The following PTPN1 variants were observed in gnomAD, a reference collection of about 807,000 sequenced individuals.
PTPN1 encodes the protein protein tyrosine phosphatase non-receptor type 1.
Under a neutral mutation model 59.9 loss-of-function variants are expected in PTPN1, and 12 were observed. That is an observed-to-expected ratio of 0.20 (90% CI 0.13 to 0.32). The LOEUF is 0.32. PTPN1 is among the 10% of genes least tolerant of loss of function. PTPN1 has a pLI of 1.00. For missense variants in PTPN1, 356 were observed against 549.2 expected, an observed-to-expected ratio of 0.65 and a Z score of 3.52; for synonymous variants, 178 against 203.6, an observed-to-expected ratio of 0.87 and a Z score of 1.07.
rs998603017 is a variant in PTPN1, at chr20:50,512,364, C to T, written c.63+1774C>T. 1.8e-4 allele frequency among the ~76,000 whole-genome samples: 28 copies of T among 152,264 alleles called. 1 individual carries two copies. The highest frequency in any genetic ancestry group is 1.7e-3 in the Admixed American group (26 of 15,298). ...TTGACTGAGTTGACAACAAGAAATA[C>T]GTATTGTAACTTAGTTCTTAGTTGA... On this transcript the variant is annotated intron_variant, in intron 1 of 9. Coordinates refer to ENST00000371621, the MANE Select transcript of PTPN1 (RefSeq NM_002827.4).
chr20:50,565,105 A>T (rs200437729), intron 3 of PTPN1, 36 bp downstream of exon 3: 2 of 1,594,664 alleles, frequency 1.3e-6, no homozygotes, highest in African/African-American at 2.7e-5. Context: ...TTTAATGTCA[A>T]TTTAAGAGTT....
rs1381989717 is a variant in PTPN1 at position 50,528,965 on chromosome 20, C to G, written c.63+18375C>G. Among the ~76,000 whole-genome samples, 10 of 152,222 alleles carry G rather than the reference C, an allele frequency of 6.6e-5. No individual in the cohort carries two copies. In the East Asian group the frequency reaches 1.5e-3, roughly 24 times the overall value. ...ATTTTCTGTATGTGGTGTTTTCCCC[C>G]CATGAGATTGTATACCATTTCTCAG... is the stretch of plus-strand genomic sequence containing the variant. On this transcript the variant is annotated intron_variant, in intron 1 of 9. Transcript: ENST00000371621.
chr20:50,569,193 C>G (rs1158499054), intron 4 of PTPN1, among the ~76,000 whole-genome samples: 1 of 152,214 alleles, frequency 6.6e-6, no homozygotes, highest in Non-Finnish European at 1.5e-5. Flanking sequence ...CAGCTGAAAA[C>G]CCTTGTGCGG....
chr20:50,578,226 T>C (rs2082846716), intron 5 of PTPN1, among the ~76,000 whole-genome samples, 194 bp from the exon 6 acceptor site: 2 of 152,110 alleles, frequency 1.3e-5, no homozygotes, highest in South Asian at 4.1e-4. Context: ...ACCCTGCAGG[T>C]TCAGTGTCAA....
intron 1 of PTPN1, among the ~76,000 whole-genome samples, chr20:50,525,856 A>G (rs1156782094): frequency 2.0e-5 from 3 of 152,148 alleles, no homozygotes; most frequent in Admixed American, 6.5e-5. Context: ...TAAAAGAACC[A>G]TAGTTCATAA....
chr20:50,536,796 T>G (rs2082625739), intron 1 of PTPN1, among the ~76,000 whole-genome samples: 1 of 152,228 alleles, frequency 6.6e-6, no homozygotes, highest in African/African-American at 2.4e-5. Context: ...ATAAAATATT[T>G]TTTACATGTC....
chr20:50,536,797 T>C (rs919216427), intron 1 of PTPN1, among the ~76,000 whole-genome samples: 6 of 152,238 alleles, frequency 3.9e-5, no homozygotes, highest in Admixed American at 3.3e-4. Context: ...TAAAATATTT[T>C]TTACATGTCC....
intron 1 of PTPN1, among the ~76,000 whole-genome samples, chr20:50,560,474 G>A (rs532096123): frequency 6.4e-4 from 98 of 152,044 alleles, no homozygotes; most frequent in Non-Finnish European, 1.0e-3. Flanking sequence ...TGGAAATCTC[G>A]GGCGGTCTGG....
At chr20:50,549,351 C>T (rs998435522) in intron 1 of PTPN1, among the ~76,000 whole-genome samples, 1 of 152,226 alleles carries the variant, frequency 6.6e-6, no homozygotes, top group African/African-American at 2.4e-5. Context: ...AAGCATTTTT[C>T]ATGCCCTCAT....
At chr20:50,579,672 T>G in intron 7 of PTPN1, 31 bp from the exon 8 acceptor site, 1 of 1,584,412 alleles carries the variant, frequency 6.3e-7, no homozygotes. Flanking sequence ...AAGTGAACAC[T>G]AATAGGACTT....
At chr20:50,546,393 TTG>T (rs2082676345) in intron 1 of PTPN1, among the ~76,000 whole-genome samples, 1 of 152,198 alleles carries the variant, frequency 6.6e-6, no homozygotes, top group Admixed American at 6.5e-5. Context: ...CTTCCCCAGA[TTG>T]TCTTTTTATT....
At chr20:50,513,167 G>C (rs1435551507) in intron 1 of PTPN1, among the ~76,000 whole-genome samples, 3 of 152,202 alleles carry the variant, frequency 2.0e-5, no homozygotes, top group African/African-American at 7.2e-5. Context: ...TTGATAAAGT[G>C]AGCATAACCG....
At chr20:50,525,160 A>G (rs1007182657) in intron 1 of PTPN1, among the ~76,000 whole-genome samples, 1 of 151,886 alleles carries the variant, frequency 6.6e-6, no homozygotes, top group Non-Finnish European at 1.5e-5. Flanking sequence ...CCCAGGTTCA[A>G]GCGATTCTCC....
At chr20:50,518,059 C>T (rs566119948) in intron 1 of PTPN1, among the ~76,000 whole-genome samples, 2 of 152,274 alleles carry the variant, frequency 1.3e-5, no homozygotes, top group South Asian at 4.1e-4. Context: ...AAAAGGAAAA[C>T]TCTTCCCTTG....
intron 8 of PTPN1, among the ~76,000 whole-genome samples, 159 bp from the exon 9 acceptor site, chr20:50,581,106 C>T (rs1035896426): frequency 6.6e-6 from 1 of 152,132 alleles, no homozygotes; most frequent in Non-Finnish European, 1.5e-5. Context: ...GCCTGGCCCT[C>T]CCTCCAAGCA....
chr20:50,565,376 T>A (rs1473536731), intron 3 of PTPN1, among the ~76,000 whole-genome samples: 1 of 152,050 alleles, frequency 6.6e-6, no homozygotes, highest in Admixed American at 6.5e-5. Context: ...TGGAGGAGGG[T>A]CTGTACCTGT....
At chr20:50,581,173 GT>G (rs1380508098) in intron 8 of PTPN1, 91 bp from the exon 9 acceptor site, 2 of 1,495,466 alleles carry the variant, frequency 1.3e-6, no homozygotes, top group South Asian at 2.7e-5. Context: ...CACGTGGCTT[GT>G]TTTTTCCTAG....
rs568791770 is a variant in PTPN1 at position 50,576,732 on chromosome 20, C to T, written c.493-1688C>T. 4.0e-5 allele frequency among the ~76,000 whole-genome samples: 6 copies of T among 151,754 alleles called. No homozygotes were observed. The South Asian group carries it at 8.3e-4, about 21-fold the overall frequency. ...AAATACAAAAAAAAAAAAAATTAGC[C>T]GGGCGTGGTGGCGGGCACCTGTAAT... is the stretch of plus-strand genomic sequence containing the variant. On this transcript the variant is annotated intron_variant, in intron 5 of 9. Coordinates refer to ENST00000371621, the MANE Select transcript of PTPN1 (RefSeq NM_002827.4).
At chr20:50,544,234 T>A (rs1346517508) in intron 1 of PTPN1, among the ~76,000 whole-genome samples, 1 of 152,128 alleles carries the variant, frequency 6.6e-6, no homozygotes, top group African/African-American at 2.4e-5. Flanking sequence ...AACTGCAGCC[T>A]TGACTTCTGG....
Sources: allele counts gnomAD v4.1 joint callset (sites outside exome capture counted in the v4.1 genomes callset), GRCh38; gene constraint gnomAD v4.1.1; transcripts MANE v1.5; gene names NCBI Gene and HGNC (gene_info 2026-07-23, HGNC 2026-07-21).